TENM4: variants seen among roughly 807,000 people sequenced by gnomAD.
The protein encoded by TENM4 is teneurin transmembrane protein 4.
TENM4 carries 82 observed loss-of-function variants against 243.3 expected under a neutral mutation model. The observed-to-expected ratio is 0.34, with a 90% CI of 0.28 to 0.40. The LOEUF (loss-of-function observed/expected upper bound fraction) is 0.40. Among genes scored for constraint, TENM4 ranks in the 10% least tolerant of loss-of-function variants. TENM4 has a pLI of 1.00. For missense variants in TENM4, 3,138 were observed against 3,673.3 expected, an observed-to-expected ratio of 0.85 and a Z score of 3.77; for synonymous variants, 1,412 against 1,456.3, an observed-to-expected ratio of 0.97 and a Z score of 0.69.
chr11:78,717,970 T>C (rs181472874), intron 25 of TENM4, among the ~76,000 whole-genome samples: 4 of 152,296 alleles, frequency 2.6e-5, no homozygotes. Context: ...GTACTGAGCA[T>C]GCCCGACACA....
intron 1 of TENM4, among the ~76,000 whole-genome samples, chr11:79,356,211 C>A (rs948978601): frequency 3.3e-5 from 5 of 152,156 alleles, no homozygotes; most frequent in African/African-American, 1.2e-4. Flanking sequence ...ATATTTAAAC[C>A]TCTTCTGCAA....
At chr11:79,422,671 G>C (rs7102010) in intron 1 of TENM4, among the ~76,000 whole-genome samples, 2 of 151,960 alleles carry the variant, frequency 1.3e-5, no homozygotes, top group African/African-American at 4.8e-5. Context: ...TCAAGTCTGA[G>C]GTAGGTATAA....
chr11:79,299,342 C>A (rs1856513811), intron 1 of TENM4, among the ~76,000 whole-genome samples: 2 of 152,156 alleles, frequency 1.3e-5, no homozygotes, highest in Non-Finnish European at 2.9e-5. Context: ...ACTGAAGGAG[C>A]CGGGACCAGG....
intron 1 of TENM4, among the ~76,000 whole-genome samples, chr11:79,405,577 CTA>C (rs1327646743): frequency 2.0e-5 from 3 of 151,664 alleles, no homozygotes; most frequent in Admixed American, 6.6e-5. Flanking sequence ...GTAATTGTTT[CTA>C]TGTCTTTTAC....
intron 1 of TENM4, among the ~76,000 whole-genome samples, chr11:79,328,802 G>A (rs1275619322): frequency 2.0e-5 from 3 of 150,164 alleles, no homozygotes; most frequent in Admixed American, 1.3e-4. Context: ...ATATATGTAA[G>A]CACAGGTAGG....
chr11:78,858,952 A>G (rs1472724762), intron 10 of TENM4, among the ~76,000 whole-genome samples: 2 of 152,202 alleles, frequency 1.3e-5, no homozygotes, highest in African/African-American at 2.4e-5. Flanking sequence ...TAACATCTGT[A>G]TATGGAGGCT....
intron 7 of TENM4, among the ~76,000 whole-genome samples, chr11:78,901,841 C>T (rs555886260): frequency 3.9e-5 from 6 of 152,226 alleles, no homozygotes; most frequent in South Asian, 2.1e-4. Context: ...AGACTGGAGG[C>T]GGGAGCGGGG....
intron 4 of TENM4, among the ~76,000 whole-genome samples, chr11:79,135,773 CAT>C (rs145002168): frequency 0.21 from 29,074 of 136,436 alleles, 3,080 homozygotes; most frequent in East Asian, 0.35. Flanking sequence ...ATCATATATA[CAT>C]ATATATGATA....
chr11:79,300,635 T>C (rs1856535740), intron 1 of TENM4, among the ~76,000 whole-genome samples: 1 of 152,242 alleles, frequency 6.6e-6, no homozygotes, highest in African/African-American at 2.4e-5. Flanking sequence ...AAAAAATCTC[T>C]ATTGATGTGA....
intron 1 of TENM4, among the ~76,000 whole-genome samples, chr11:79,366,287 C>A (rs1272059808): frequency 2.6e-5 from 4 of 152,244 alleles, no homozygotes; most frequent in African/African-American, 9.6e-5. Context: ...CTTTGTGTCA[C>A]CTTCTTGAGG....
At chr11:79,359,757 A>G (rs181228017) in intron 1 of TENM4, among the ~76,000 whole-genome samples, 10 of 152,276 alleles carry the variant, frequency 6.6e-5, no homozygotes, top group African/African-American at 2.4e-4. Context: ...TAAAAGTTAC[A>G]TCTTGTTGAT....
At chr11:79,317,736 C>T (rs2135423225) in intron 1 of TENM4, among the ~76,000 whole-genome samples, 1 of 152,348 alleles carries the variant, frequency 6.6e-6, no homozygotes, top group East Asian at 1.9e-4. Context: ...ACTCATTGAA[C>T]TGCCTTTCTG....
intron 6 of TENM4, among the ~76,000 whole-genome samples, chr11:78,984,671 T>C (rs1857878580): frequency 6.6e-6 from 1 of 152,164 alleles, no homozygotes; most frequent in Admixed American, 6.5e-5. Flanking sequence ...ATACTGTCAT[T>C]ACTGCTGCTG....
At chr11:79,028,122 A>G (rs1317594792) in intron 6 of TENM4, among the ~76,000 whole-genome samples, 1 of 152,202 alleles carries the variant, frequency 6.6e-6, no homozygotes, top group African/African-American at 2.4e-5. Flanking sequence ...AGTTTCCTGT[A>G]CCTCAGTTTC....
intron 2 of TENM4, among the ~76,000 whole-genome samples, chr11:79,242,681 C>T (rs1855445870): frequency 2.6e-5 from 4 of 152,216 alleles, no homozygotes; most frequent in Admixed American, 6.5e-5. Flanking sequence ...ATTTACCTAA[C>T]CAATTCCCTA....
chr11:79,121,042 G>T (rs769862475), intron 4 of TENM4, among the ~76,000 whole-genome samples: 1 of 152,202 alleles, frequency 6.6e-6, no homozygotes, highest in African/African-American at 2.4e-5. Flanking sequence ...AACTATCTTT[G>T]TAATGGTAGT....
intron 6 of TENM4, among the ~76,000 whole-genome samples, chr11:78,976,584 AC>A (rs1440949021): frequency 2.0e-5 from 3 of 152,196 alleles, no homozygotes; most frequent in Non-Finnish European, 4.4e-5. Context: ...GATTTGTGAA[AC>A]TTTTTTGGGG....
Position 79,325,376 on chromosome 11 carries a change from A to G in TENM4, c.-320-27833T>C, listed in dbSNP as rs561484352. On this transcript the variant is annotated intron_variant, in intron 1 of 33. Transcript: ENST00000278550. ...AACTTGGAGAAGTGAAGTGGCCAAT[A>G]TGGAATTAGAACTCACAGCTGTTTG... Among the ~76,000 whole-genome samples, 42 of 152,318 alleles carry G rather than the reference A, an allele frequency of 2.8e-4. 1 individual carries two copies. Among genetic ancestry groups the G allele is most frequent in the African/African-American group, 9.6e-4 (40 of 41,580 alleles).
At chr11:79,338,881 T>G (rs1453837028) in intron 1 of TENM4, among the ~76,000 whole-genome samples, 4 of 152,200 alleles carry the variant, frequency 2.6e-5, no homozygotes, top group African/African-American at 7.2e-5. Flanking sequence ...TAATGTCTGC[T>G]CAGGGCATCC....
Sources: allele counts gnomAD v4.1 joint callset (sites outside exome capture counted in the v4.1 genomes callset), GRCh38; gene constraint gnomAD v4.1.1; transcripts MANE v1.5; gene names NCBI Gene and HGNC (gene_info 2026-07-23, HGNC 2026-07-21).